RNF228: variants seen among roughly 807,000 people sequenced by gnomAD.
The protein encoded by RNF228 is ring finger protein 228.
At chr2:222,314,419 A>G in the RNF228 span, among the ~76,000 whole-genome samples, 1 of 152,254 alleles carries the variant, frequency 6.6e-6, no homozygotes, top group Admixed American at 6.5e-5. Context: ...GTCATTTCTA[A>G]CATTCATTTC....
chr2:222,316,245 A>T, the RNF228 span, among the ~76,000 whole-genome samples: 3 of 152,186 alleles, frequency 2.0e-5, no homozygotes, highest in Non-Finnish European at 4.4e-5. Context: ...ACCACTAGAA[A>T]CCAGACAGAT....
chr2:222,317,478 A>AT, the RNF228 span: 1 of 152,292 alleles, frequency 6.6e-6, no homozygotes, highest in African/African-American at 2.4e-5. Context: ...AGATTCTGTG[A>AT]TTTTTAAGCA....
the RNF228 span, among the ~76,000 whole-genome samples, chr2:222,315,291 T>A: frequency 1.3e-5 from 2 of 152,200 alleles, no homozygotes; most frequent in Admixed American, 6.5e-5. Context: ...GCAGATCAAA[T>A]GGATGACCAG....
chr2:222,314,435 T>C, the RNF228 span, among the ~76,000 whole-genome samples: 1 of 152,226 alleles, frequency 6.6e-6, no homozygotes, highest in African/African-American at 2.4e-5. Flanking sequence ...ATTTCAGAAA[T>C]AGATACTACT....
At chr2:222,319,275 G>A in the RNF228 span, 65 of 339,476 alleles carry the variant, frequency 1.9e-4, no homozygotes, top group Non-Finnish European at 2.3e-4. This position sits in a 1 kb window ranked among gnomAD's most constrained non-coding sequence, Gnocchi z 7.6. Flanking sequence ...GCCTCCGGGG[G>A]TTCCCCCGCC....
the RNF228 span, among the ~76,000 whole-genome samples, chr2:222,315,499 T>C: frequency 6.6e-6 from 1 of 152,160 alleles, no homozygotes; most frequent in African/African-American, 2.4e-5. Flanking sequence ...ATTAGACACT[T>C]GGAGACCTAA....
the RNF228 span, chr2:222,317,300 A>C: frequency 2.6e-5 from 4 of 152,226 alleles, no homozygotes; most frequent in African/African-American, 9.6e-5. Flanking sequence ...AAAACACTTC[A>C]TACTGTAGTT....
the RNF228 span, among the ~76,000 whole-genome samples, chr2:222,316,641 T>C: frequency 6.6e-6 from 1 of 152,248 alleles, no homozygotes; most frequent in African/African-American, 2.4e-5. Flanking sequence ...CATGTGTGTG[T>C]ACACATGTAC....
chr2:222,317,544 T>C, the RNF228 span: 2 of 152,188 alleles, frequency 1.3e-5, no homozygotes, highest in African/African-American at 4.8e-5. Flanking sequence ...TGTTTTCATA[T>C]AAAATACATT....
At chr2:222,316,320 A>C in the RNF228 span, among the ~76,000 whole-genome samples, 18 of 152,352 alleles carry the variant, frequency 1.2e-4, no homozygotes, top group East Asian at 3.3e-3. Context: ...GCAATAAAGC[A>C]TGGTAAGCCA....
chr2:222,319,762 C>A, the RNF228 span, among the ~76,000 whole-genome samples: 2 of 144,742 alleles, frequency 1.4e-5, no homozygotes, highest in African/African-American at 5.0e-5. This position sits in a 1 kb window ranked among gnomAD's most constrained non-coding sequence, Gnocchi z 7.6. Flanking sequence ...CGCTCAGGCG[C>A]GGCGGCAGCG....
At chr2:222,314,562 A>G in the RNF228 span, among the ~76,000 whole-genome samples, 1 of 152,260 alleles carries the variant, frequency 6.6e-6, no homozygotes, top group Non-Finnish European at 1.5e-5. Context: ...CATTGTCCAT[A>G]AAGTGAATTT....
At chr2:222,315,191 A>T in the RNF228 span, among the ~76,000 whole-genome samples, 3,177 of 152,124 alleles carry the variant, frequency 0.021, 108 homozygotes, top group African/African-American at 0.072. Flanking sequence ...AAGCCAAGTC[A>T]CTTAAGATTA....
the RNF228 span, chr2:222,319,439 T>C: frequency 4.9e-4 from 100 of 202,486 alleles, 1 homozygote; most frequent in South Asian, 4.9e-3. The surrounding 1 kb of genome is among the most constrained non-coding windows in gnomAD (Gnocchi z 7.6). Context: ...CGGGGCGGGC[T>C]CGAGGCCCGG....
the RNF228 span, among the ~76,000 whole-genome samples, chr2:222,315,531 G>A: frequency 2.0e-5 from 3 of 152,062 alleles, no homozygotes; most frequent in Non-Finnish European, 4.4e-5. Flanking sequence ...GTCCATATAG[G>A]GCTTTAGTTT....
chr2:222,319,234 C>T, the RNF228 span: 2 of 326,598 alleles, frequency 6.1e-6, no homozygotes, highest in African/African-American at 2.2e-5. This position sits in a 1 kb window ranked among gnomAD's most constrained non-coding sequence, Gnocchi z 7.6. Flanking sequence ...GAGGGCGACC[C>T]GGTGGCCGGT....
the RNF228 span, among the ~76,000 whole-genome samples, chr2:222,314,337 C>T: frequency 1.3e-5 from 2 of 152,172 alleles, no homozygotes. Context: ...CAAAAGAGAT[C>T]TCTAGCAGAG....
At chr2:222,314,680 A>T in the RNF228 span, among the ~76,000 whole-genome samples, 1 of 152,256 alleles carries the variant, frequency 6.6e-6, no homozygotes, top group African/African-American at 2.4e-5. Context: ...GGGATTACTT[A>T]GTTATTAAGA....
the RNF228 span, among the ~76,000 whole-genome samples, chr2:222,315,851 T>C: frequency 6.6e-6 from 1 of 152,210 alleles, no homozygotes; most frequent in South Asian, 2.1e-4. Flanking sequence ...TTCTTTCACC[T>C]GAAATGTAGA....
Sources: gnomAD v4.1 joint callset for allele counts (sites outside exome capture counted in the v4.1 genomes callset) on GRCh38, gnomAD v4.1.1 for gene constraint, Gnocchi (gnomAD v3.1) non-coding constraint, MANE v1.5 for transcripts, NCBI Gene and HGNC (gene_info 2026-07-23, HGNC 2026-07-21) for gene names.